The following NLGN1 variants were observed in gnomAD, a reference collection of about 807,000 sequenced individuals.
NLGN1 encodes the protein neuroligin-1.
Under a neutral mutation model 65.5 loss-of-function variants are expected in NLGN1, and 12 were observed. That is an observed-to-expected ratio of 0.18 (90% confidence interval 0.12 to 0.30). NLGN1 has a LOEUF of 0.30. NLGN1 is among the 10% of genes least tolerant of loss of function. The pLI, the probability that NLGN1 is intolerant of heterozygous loss-of-function variation, is 1.00. For synonymous variants in NLGN1, 350 were observed against 359.5 expected, an observed-to-expected ratio of 0.97 and a Z score of 0.30; for missense variants, 750 against 1,007.1, an observed-to-expected ratio of 0.74 and a Z score of 3.46.
At chr3:173,634,539 C>T (rs1310063983) in intron 3 of NLGN1, among the ~76,000 whole-genome samples, 2 of 151,956 alleles carry the variant, frequency 1.3e-5, no homozygotes, top group Admixed American at 6.6e-5. Flanking sequence ...AATTATAGAC[C>T]TCTTTCCACA....
chr3:173,498,451 C>T (rs889040506), intron 2 of NLGN1, among the ~76,000 whole-genome samples: 3 of 151,816 alleles, frequency 2.0e-5, no homozygotes, highest in African/African-American at 7.3e-5. Context: ...TCCAGTCTAT[C>T]ATTGTTGGAC....
intron 4 of NLGN1, among the ~76,000 whole-genome samples, chr3:173,981,862 A>G (rs1449148486): frequency 1.3e-5 from 2 of 151,456 alleles, no homozygotes; most frequent in Non-Finnish European, 2.9e-5. Flanking sequence ...GCCTAACTTA[A>G]GTAATATGTG....
intron 4 of NLGN1, among the ~76,000 whole-genome samples, chr3:174,026,609 T>G (rs1293940454): frequency 6.6e-6 from 1 of 152,108 alleles, no homozygotes; most frequent in Non-Finnish European, 1.5e-5. Flanking sequence ...AGAACATATA[T>G]CAAGCTTAAT....
intron 4 of NLGN1, among the ~76,000 whole-genome samples, chr3:174,011,449 A>G (rs1373214343): frequency 6.6e-6 from 1 of 152,198 alleles, no homozygotes; most frequent in East Asian, 1.9e-4. Context: ...AAAAGTATCT[A>G]TATTCACAGT....
In NLGN1 at chr3:174,065,941, G is replaced by A. The variant is rs186402991; in HGVS notation, c.647-209374G>A. 3.3e-5 allele frequency among the ~76,000 whole-genome samples: 5 copies of A among 152,224 alleles called. No individual in the cohort carries two copies. In the East Asian group the frequency reaches 9.7e-4, roughly 30 times the overall value. ...ATCTTGCCAACAATCACATGAGTGA[G>A]CCAGAAGATCCAGCTAAGCAGCACC... On this transcript the variant is annotated intron_variant, in intron 4 of 6. Transcript: ENST00000457714.
At chr3:173,657,991 T>C (rs998970085) in intron 3 of NLGN1, among the ~76,000 whole-genome samples, 1 of 151,842 alleles carries the variant, frequency 6.6e-6, no homozygotes, top group African/African-American at 2.4e-5. Flanking sequence ...CAATATCCAG[T>C]AAAGGGACTT....
intron 4 of NLGN1, among the ~76,000 whole-genome samples, chr3:174,108,213 G>T (rs997255273): frequency 4.0e-5 from 6 of 151,648 alleles, no homozygotes; most frequent in African/African-American, 1.5e-4. Context: ...AGAACTATTT[G>T]TGTAACTTAT....
At chr3:173,928,263 C>T (rs1211899904) in intron 4 of NLGN1, among the ~76,000 whole-genome samples, 2 of 152,114 alleles carry the variant, frequency 1.3e-5, no homozygotes, top group Non-Finnish European at 1.5e-5. Flanking sequence ...GTCTTCTGAT[C>T]CTCTGTTCTT....
At chr3:173,686,821 C>T (rs1245876487) in intron 3 of NLGN1, among the ~76,000 whole-genome samples, 1 of 152,006 alleles carries the variant, frequency 6.6e-6, no homozygotes, top group African/African-American at 2.4e-5. Context: ...GGTGTGGTGG[C>T]AGGCGCCTGT....
At chr3:173,823,714 AC>A (rs1720780531) in intron 4 of NLGN1, among the ~76,000 whole-genome samples, 1 of 152,072 alleles carries the variant, frequency 6.6e-6, no homozygotes, top group African/African-American at 2.4e-5. Context: ...AGGTCAGACA[AC>A]ACACAGTTCT....
intron 3 of NLGN1, among the ~76,000 whole-genome samples, chr3:173,635,861 A>G (rs1025315247): frequency 6.6e-6 from 1 of 152,152 alleles, no homozygotes; most frequent in Non-Finnish European, 1.5e-5. Context: ...GTTCAGTAAA[A>G]TGAGACTCAC....
chr3:174,059,939 C>A (rs1737032520), intron 4 of NLGN1, among the ~76,000 whole-genome samples: 1 of 152,112 alleles, frequency 6.6e-6, no homozygotes, highest in Admixed American at 6.6e-5. Flanking sequence ...GGTTTGGAAC[C>A]AATTTCTGCA....
intron 2 of NLGN1, among the ~76,000 whole-genome samples, chr3:173,503,992 T>C (rs548464769): frequency 5.9e-5 from 9 of 152,184 alleles, no homozygotes; most frequent in South Asian, 4.1e-4. Flanking sequence ...GGTAGCAAGA[T>C]AGGAAAATAG....
chr3:173,946,370 G>A (rs149227213), intron 4 of NLGN1, among the ~76,000 whole-genome samples: 11 of 152,150 alleles, frequency 7.2e-5, no homozygotes, highest in Non-Finnish European at 1.3e-4. Flanking sequence ...TAGGAAGGTT[G>A]CATTTTACAT....
intron 3 of NLGN1, among the ~76,000 whole-genome samples, chr3:173,653,546 G>T (rs1480783411): frequency 6.6e-6 from 1 of 152,020 alleles, no homozygotes; most frequent in East Asian, 1.9e-4. Flanking sequence ...TACATTTATT[G>T]ACAAAAATGT....
intron 1 of NLGN1, among the ~76,000 whole-genome samples, chr3:173,426,471 T>C (rs1054502131): frequency 1.3e-5 from 2 of 152,126 alleles, no homozygotes; most frequent in Admixed American, 6.5e-5. Flanking sequence ...TATGGGTTTG[T>C]CATATACAGC....
At chr3:173,688,002 G>A (rs914389710) in intron 3 of NLGN1, among the ~76,000 whole-genome samples, 1 of 152,148 alleles carries the variant, frequency 6.6e-6, no homozygotes, top group African/African-American at 2.4e-5. Flanking sequence ...GTAATAATAA[G>A]GCATACTAGT....
At chr3:173,990,288 C>CAGTA (rs1720827928) in intron 4 of NLGN1, among the ~76,000 whole-genome samples, 1 of 152,170 alleles carries the variant, frequency 6.6e-6, no homozygotes, top group Non-Finnish European at 1.5e-5. Flanking sequence ...GTACTGCTTA[C>CAGTA]AGTACCTTTC....
chr3:173,928,036 C>G (rs1338588502), intron 4 of NLGN1, among the ~76,000 whole-genome samples: 1 of 152,156 alleles, frequency 6.6e-6, no homozygotes, highest in South Asian at 2.1e-4. Context: ...TTCTGAAATA[C>G]AAGTGTAGCT....
Sources: allele counts gnomAD v4.1 joint callset (sites outside exome capture counted in the v4.1 genomes callset), GRCh38; gene constraint gnomAD v4.1.1; transcripts MANE v1.5; gene names NCBI Gene and HGNC (gene_info 2026-07-23, HGNC 2026-07-21).